ATP1B1: variants seen among roughly 807,000 people sequenced by gnomAD.
ATP1B1 encodes sodium/potassium-transporting ATPase subunit beta-1.
A neutral mutation model predicts 39.6 loss-of-function variants in ATP1B1; 3 were observed. That is an observed-to-expected ratio of 0.08 (90% CI 0.03 to 0.20). The LOEUF is 0.20. ATP1B1 is among the 10% of genes least tolerant of loss of function. ATP1B1 has a pLI of 1.00. For synonymous variants in ATP1B1, 139 were observed against 135.0 expected (o/e 1.03, Z -0.20); for missense variants, 216 against 371.1 (o/e 0.58, Z 3.43).
chr1:169,120,559 G>A (rs1657956665), intron 2 of ATP1B1, among the ~76,000 whole-genome samples: 1 of 152,222 alleles, frequency 6.6e-6, no homozygotes. Context: ...AGCTGGGCAA[G>A]TCACAGGGTT....
chr1:169,113,573 C>G (rs928151097), intron 2 of ATP1B1, among the ~76,000 whole-genome samples: 6 of 152,166 alleles, frequency 3.9e-5, no homozygotes, highest in African/African-American at 1.4e-4. Context: ...CCAAAGGGCC[C>G]AACCTTGTAA....
chr1:169,127,735 A>G (rs1051565529), intron 4 of ATP1B1, among the ~76,000 whole-genome samples: 14 of 151,946 alleles, frequency 9.2e-5, no homozygotes, highest in African/African-American at 9.7e-5. Context: ...ATGGAAAAAT[A>G]TATTTTTTCC....
At chr1:169,117,374 ATTTC>A (rs1452195170) in intron 2 of ATP1B1, among the ~76,000 whole-genome samples, 2 of 152,320 alleles carry the variant, frequency 1.3e-5, no homozygotes, top group East Asian at 1.9e-4. Context: ...CCAGGTGGTG[ATTTC>A]TTTATTTCTA....
rs1334630527 is a variant in ATP1B1, at chr1:169,132,111, G to C, written c.*556G>C. The C allele has an allele frequency of 2.2e-5, 10 of 463,624 alleles. No homozygotes were observed. The highest frequency in any genetic ancestry group is 3.8e-5 in the Non-Finnish European group (9 of 238,426). 28.7% of individuals were successfully genotyped at this position (463,624 alleles called of 1,614,324 possible). On this transcript the variant is annotated 3_prime_UTR_variant, in exon 6 of 6. Coordinates refer to ENST00000367815, the MANE Select transcript of ATP1B1 (RefSeq NM_001677.4). ...TTAACATACTCCATAGTCTTTTCCT[G>C]TGGTGTTAGGTCTTTATTTTTATTT...
chr1:169,109,949 C>T (rs1370221686), intron 1 of ATP1B1, among the ~76,000 whole-genome samples: 2 of 152,112 alleles, frequency 1.3e-5, no homozygotes, highest in African/African-American at 4.8e-5. Flanking sequence ...CAGCACTTAA[C>T]CCTTGTCCTG....
intron 4 of ATP1B1, among the ~76,000 whole-genome samples, chr1:169,128,738 T>C (rs892994316): frequency 6.6e-6 from 1 of 152,216 alleles, no homozygotes; most frequent in Non-Finnish European, 1.5e-5. Flanking sequence ...ACTTTCTGAG[T>C]ACCTTGCTTT....
At chr1:169,107,699 G>A (rs899900862) in intron 1 of ATP1B1, among the ~76,000 whole-genome samples, 3 of 152,010 alleles carry the variant, frequency 2.0e-5, no homozygotes, top group Non-Finnish European at 4.4e-5. Flanking sequence ...TGCTTGGTTG[G>A]ATAGACTTTT....
chr1:169,120,067 C>T (rs554667248), intron 2 of ATP1B1, among the ~76,000 whole-genome samples: 1 of 152,088 alleles, frequency 6.6e-6, no homozygotes, highest in Admixed American at 6.5e-5. Context: ...GACCCGGGGG[C>T]TGATCTGTGG....
chr1:169,125,174 C>A (rs1658060944), intron 3 of ATP1B1, 135 bp downstream of exon 3: 3 of 1,183,412 alleles, frequency 2.5e-6, no homozygotes, highest in African/African-American at 1.6e-5. Flanking sequence ...CATATTTAGA[C>A]ACTTTTTTTA....
chr1:169,108,148 T>C (rs1306240084), intron 1 of ATP1B1: 1 of 152,186 alleles, frequency 6.6e-6, no homozygotes, highest in Non-Finnish European at 1.5e-5. Flanking sequence ...GGGTTAATAA[T>C]GCATCACACT....
chr1:169,130,870 T>C (rs185546034), intron 5 of ATP1B1, among the ~76,000 whole-genome samples: 10 of 151,624 alleles, frequency 6.6e-5, no homozygotes, highest in Admixed American at 5.9e-4. Flanking sequence ...ATGGACCGTT[T>C]AGAGAGAAAG....
chr1:169,123,815 C>T (rs956741902), intron 2 of ATP1B1, among the ~76,000 whole-genome samples: 4 of 151,854 alleles, frequency 2.6e-5, no homozygotes, highest in African/African-American at 4.8e-5. Context: ...TTAGTAGAGA[C>T]GGAGTTTCAC....
intron 5 of ATP1B1, among the ~76,000 whole-genome samples, chr1:169,130,475 T>A (rs567743586): frequency 6.6e-6 from 1 of 152,058 alleles, no homozygotes; most frequent in East Asian, 1.9e-4. Flanking sequence ...AAATTAGTGG[T>A]TTGGGCTTCT....
chr1:169,118,639 A>AT (rs1294187318), intron 2 of ATP1B1, among the ~76,000 whole-genome samples: 1 of 152,228 alleles, frequency 6.6e-6, no homozygotes, highest in Non-Finnish European at 1.5e-5. Context: ...TCTATCTCAT[A>AT]TATGTGCGTA....
chr1:169,119,510 A>G (rs543848710), intron 2 of ATP1B1, among the ~76,000 whole-genome samples: 1 of 152,290 alleles, frequency 6.6e-6, no homozygotes, highest in East Asian at 1.9e-4. Flanking sequence ...CCTTGTCCAG[A>G]GTCATAACTA....
intron 2 of ATP1B1, among the ~76,000 whole-genome samples, chr1:169,119,441 C>T (rs2143290): frequency 0.1 from 15,391 of 152,190 alleles, 1,049 homozygotes; most frequent in Admixed American, 0.21. Context: ...TGCGTGCCAG[C>T]GATTGGGTGT....
chr1:169,111,608 A>T, intron 2 of ATP1B1, 110 bp downstream of exon 2: 1 of 1,420,466 alleles, frequency 7.0e-7, no homozygotes, highest in Non-Finnish European at 9.4e-7. Flanking sequence ...TCTTAAAGCA[A>T]CCATGAAAAG....
At chr1:169,117,418 C>A (rs1413846467) in intron 2 of ATP1B1, among the ~76,000 whole-genome samples, 1 of 152,208 alleles carries the variant, frequency 6.6e-6, no homozygotes, top group East Asian at 1.9e-4. Flanking sequence ...TAAGTCATCT[C>A]TTGGGTACAC....
At chr1:169,113,876 T>C (rs1362002591) in intron 2 of ATP1B1, among the ~76,000 whole-genome samples, 1 of 152,198 alleles carries the variant, frequency 6.6e-6, no homozygotes, top group African/African-American at 2.4e-5. Context: ...TGGTAATTTC[T>C]GTCTCTTCTT....
Sources: gnomAD v4.1 joint callset for allele counts (sites outside exome capture counted in the v4.1 genomes callset) on GRCh38, gnomAD v4.1.1 for gene constraint, MANE v1.5 for transcripts, NCBI Gene and HGNC (gene_info 2026-07-23, HGNC 2026-07-21) for gene names.